PTPRT: variants seen among roughly 807,000 people sequenced by gnomAD.
The protein encoded by PTPRT is protein tyrosine phosphatase receptor type T.
In PTPRT, 56 loss-of-function variants were observed where a neutral mutation model predicts 176.8. The ratio of observed to expected loss-of-function variants is 0.32; its 90% CI spans 0.26 to 0.40. The LOEUF (loss-of-function observed/expected upper bound fraction) is 0.40, where lower values mean the gene tolerates loss of function less well. Among genes scored for constraint, PTPRT ranks in the 10% least tolerant of loss-of-function variants. The pLI, the probability that PTPRT is intolerant of heterozygous loss-of-function variation, is 1.00. For synonymous variants in PTPRT, 783 were observed against 739.0 expected (o/e 1.06, Z -0.96); for missense variants, 1,540 against 1,908.2 (o/e 0.81, Z 3.60).
At chr20:42,282,222 T>A (rs1295280516) in intron 13 of PTPRT, among the ~76,000 whole-genome samples, 1 of 152,152 alleles carries the variant, frequency 6.6e-6, no homozygotes, top group Non-Finnish European at 1.5e-5. Flanking sequence ...ATCACTCCAC[T>A]GATCAAAGTA....
intron 8 of PTPRT, among the ~76,000 whole-genome samples, chr20:42,449,742 A>T (rs1358669688): frequency 6.6e-6 from 1 of 152,218 alleles, no homozygotes; most frequent in Non-Finnish European, 1.5e-5. Flanking sequence ...AGCCTTGGCC[A>T]TATGTTGCAA....
chr20:42,564,107 A>C (rs1482933897), intron 7 of PTPRT, among the ~76,000 whole-genome samples: 1 of 152,202 alleles, frequency 6.6e-6, no homozygotes, highest in Non-Finnish European at 1.5e-5. Context: ...AAATACCACT[A>C]AAACATAACC....
At chr20:42,765,703 TTATA>T (rs1457085496) in intron 5 of PTPRT, among the ~76,000 whole-genome samples, 1 of 151,764 alleles carries the variant, frequency 6.6e-6, no homozygotes, top group Non-Finnish European at 1.5e-5. Flanking sequence ...TTATATATAT[TTATA>T]TATTATGTAC....
chr20:42,517,098 G>A (rs1035860920), intron 7 of PTPRT, among the ~76,000 whole-genome samples: 2 of 151,940 alleles, frequency 1.3e-5, no homozygotes, highest in Non-Finnish European at 2.9e-5. Context: ...AAGATTTTAT[G>A]TAAGATTAGA....
At chr20:42,391,569 T>A (rs971535837) in intron 9 of PTPRT, among the ~76,000 whole-genome samples, 7 of 152,166 alleles carry the variant, frequency 4.6e-5, no homozygotes, top group African/African-American at 1.7e-4. Context: ...AGACCAGCGA[T>A]TCTTCTTGGA....
chr20:42,756,513 G>A lies in PTPRT; in HGVS notation c.808C>T (p.Arg270Cys), dbSNP rs776806194. ...GACACACCAGACCCACCATCAGAGCGGATCACACAGCGGTACTTGCTGACG... is the reference window on the plus strand; with the variant it reads ...GACACACCAGACCCACCATCAGAGCAGATCACACAGCGGTACTTGCTGACG... The part of the protein sequence containing the change: ...RSVSKYRCVI[R>C]SDGGSGVSNY... Residue 270 changes from arginine (R) to cysteine (C), a missense_variant, in exon 6 of 31, where the codon CGC becomes TGC. Physicochemically the swap from Arg to Cys is radical, Grantham distance 180. Transcript: ENST00000373187. 1.9e-5 allele frequency: 31 copies of A among 1,610,840 alleles called. No individual in the cohort carries two copies. Among genetic ancestry groups the A allele is most frequent in the Admixed American group, 3.3e-5 (2 of 59,710 alleles).
intron 9 of PTPRT, among the ~76,000 whole-genome samples, chr20:42,411,517 C>CAAAAAAA (rs10591184): frequency 1.5e-3 from 133 of 88,130 alleles, no homozygotes; most frequent in South Asian, 2.6e-3. Flanking sequence ...AACCCTGTCT[C>CAAAAAAA]AAAAAAAAAA....
At chr20:43,097,914 A>G (rs2012233212) in intron 1 of PTPRT, among the ~76,000 whole-genome samples, 1 of 152,128 alleles carries the variant, frequency 6.6e-6, no homozygotes, top group Non-Finnish European at 1.5e-5. Context: ...ATCAGCTTAC[A>G]TTAATATGGA....
chr20:43,052,127 C>G (rs1278019695), intron 1 of PTPRT, among the ~76,000 whole-genome samples: 4 of 152,116 alleles, frequency 2.6e-5, no homozygotes, highest in Non-Finnish European at 4.4e-5. Context: ...CATGGGATTC[C>G]CAATGTCCCT....
rs747347462 is a variant in PTPRT, at chr20:42,085,784, C to A, written c.3916G>T (p.Ala1306Ser). The change falls in exon 28 of 31, where the codon GCA becomes TCA. Residue 1306 changes from alanine to serine, a missense_variant. Physicochemically the swap from Ala to Ser is moderately conservative, Grantham distance 99 (BLOSUM62 1). Transcript: ENST00000373187. ...YGPIQVEFVS[A>S]DIDEDIIHRI... ...TGGATGATGTCCTCGTCGATGTCTG[C>A]GGAGACGAACTCCACCTGGATGGGC... 1.2e-6 allele frequency: 2 copies of A among 1,613,956 alleles called. No homozygotes were observed. The highest frequency in any genetic ancestry group is 1.1e-5 in the South Asian group (1 of 91,072).
At chr20:43,000,548 G>A (rs948875631) in intron 1 of PTPRT, among the ~76,000 whole-genome samples, 1 of 152,076 alleles carries the variant, frequency 6.6e-6, no homozygotes, top group African/African-American at 2.4e-5. Flanking sequence ...AAAGTGACAT[G>A]ATAGAGCTAG....
chr20:42,151,773 C>A (rs1989142187), intron 17 of PTPRT, among the ~76,000 whole-genome samples: 1 of 152,190 alleles, frequency 6.6e-6, no homozygotes, highest in African/African-American at 2.4e-5. Context: ...CTTACAAGGG[C>A]AAAGATGGGA....
chr20:42,508,543 A>G (rs1158677504), intron 7 of PTPRT, among the ~76,000 whole-genome samples: 2 of 152,158 alleles, frequency 1.3e-5, no homozygotes, highest in Non-Finnish European at 2.9e-5. Context: ...AGCCCTTACT[A>G]TGTACCAGAA....
At chr20:42,782,473 A>AC (rs1420126307) in intron 3 of PTPRT, among the ~76,000 whole-genome samples, 4 of 152,174 alleles carry the variant, frequency 2.6e-5, no homozygotes, top group African/African-American at 9.7e-5. Context: ...TCCCTCATTG[A>AC]CCAATAGTCT....
chr20:42,928,110 G>A (rs1307113731), intron 1 of PTPRT, among the ~76,000 whole-genome samples: 2 of 152,230 alleles, frequency 1.3e-5, no homozygotes, highest in African/African-American at 4.8e-5. Flanking sequence ...CCTCTATCTG[G>A]ATGATGAGAT....
the PTPRT span, among the ~76,000 whole-genome samples, chr20:42,057,376 AG>A: frequency 6.6e-6 from 1 of 152,220 alleles, no homozygotes; most frequent in Non-Finnish European, 1.5e-5. Context: ...GCTGGATCAC[AG>A]GGTTTGAAGG....
chr20:42,670,015 C>T (rs1225965146), intron 7 of PTPRT, among the ~76,000 whole-genome samples: 2 of 152,272 alleles, frequency 1.3e-5, no homozygotes, highest in African/African-American at 2.4e-5. Context: ...CACAGCTACA[C>T]GTCGAGGACT....
intron 12 of PTPRT, among the ~76,000 whole-genome samples, chr20:42,300,388 T>G (rs1024683480): frequency 6.6e-5 from 10 of 152,046 alleles, no homozygotes; most frequent in Non-Finnish European, 1.5e-4. Context: ...GGTCTGAGTT[T>G]CTATAATAAG....
At chr20:42,966,862 T>G (rs1982325541) in intron 1 of PTPRT, among the ~76,000 whole-genome samples, 1 of 152,252 alleles carries the variant, frequency 6.6e-6, no homozygotes. Flanking sequence ...TGTTTCAGTG[T>G]ACCTGCGGAA....
Sources: gnomAD v4.1 joint callset for allele counts (sites outside exome capture counted in the v4.1 genomes callset) on GRCh38, gnomAD v4.1.1 for gene constraint, MANE v1.5 for transcripts, NCBI Gene and HGNC (gene_info 2026-07-23, HGNC 2026-07-21) for gene names.